Variants in MACF1 observed in about 807,000 individuals in gnomAD.
The protein encoded by MACF1 is microtubule-actin cross-linking factor 1.
In MACF1, 193 loss-of-function variants were observed where a neutral mutation model predicts 854.8. That is an observed-to-expected ratio of 0.23 (90% CI 0.20 to 0.25). The LOEUF is 0.25. Ranked by LOEUF, MACF1 falls within the 10% of genes least tolerant of loss-of-function variation. The probability of loss-of-function intolerance (pLI) is 1.00; values close to 1 mark genes in which losing one functional copy is unlikely to be tolerated. For synonymous variants in MACF1, 3,185 were observed against 3,226.7 expected (o/e 0.99, Z 0.44); for missense variants, 7,722 against 8,929.1 (o/e 0.86, Z 5.45).
chr1:39,291,962 A>G lies in MACF1; in HGVS notation c.1838A>G (p.Gln613Arg), dbSNP rs751383632. 3 of 1,614,048 alleles carry G rather than the reference A, an allele frequency of 1.9e-6. No homozygotes were observed. Among genetic ancestry groups the G allele is most frequent in the Non-Finnish European group, 2.5e-6 (3 of 1,179,960 alleles). The change falls in exon 16 of 101, where the codon CAG (glutamine) becomes CGG (arginine). Residue 613 changes from glutamine to arginine, a missense_variant. Coordinates refer to ENST00000564288, the MANE Select transcript of MACF1 (RefSeq NM_001394062.1). ...AATGACCTGCCTAGTGTGGAGTTGC[A>G]GCTAGAAACACAGCAGCACATCCAT... ...WGNDLPSVEL[Q>R]LETQQHIHTS... is the part of the protein sequence containing the mutation.
intron 58 of MACF1, among the ~76,000 whole-genome samples, chr1:39,393,134 G>A (rs1368222286): frequency 7.0e-6 from 1 of 143,198 alleles, no homozygotes; most frequent in Non-Finnish European, 1.5e-5. Flanking sequence ...TTTTATCACT[G>A]AAACTTGAGC....
intron 80 of MACF1, 59 bp downstream of exon 80, chr1:39,444,894 T>G: frequency 6.9e-7 from 1 of 1,441,054 alleles, no homozygotes. Context: ...GTATAATAAT[T>G]GCCATCTTAT....
At chr1:39,381,917 T>C (rs1191036721) in intron 55 of MACF1, 36 bp from the exon 56 acceptor site, 4 of 1,477,634 alleles carry the variant, frequency 2.7e-6, no homozygotes, top group African/African-American at 2.8e-5. Flanking sequence ...TTGTTGATAA[T>C]GTAAAGGAAT....
At chr1:39,412,017 T>C in intron 58 of MACF1, 1 of 1,614,012 alleles carries the variant, frequency 6.2e-7, no homozygotes, top group Non-Finnish European at 8.5e-7. Flanking sequence ...CTGCAGAATT[T>C]AAGTCCAGAC....
At chr1:39,314,851 CTTTAGCCTAAA>C (rs989568854) in intron 26 of MACF1, among the ~76,000 whole-genome samples, 2 of 152,128 alleles carry the variant, frequency 1.3e-5, no homozygotes, top group African/African-American at 2.4e-5. Flanking sequence ...TTCCTTATGT[CTTTAGCCTAAA>C]GGTATATCTA....
intron 66 of MACF1, among the ~76,000 whole-genome samples, chr1:39,431,895 G>A (rs1045725219): frequency 5.3e-5 from 8 of 152,070 alleles, no homozygotes; most frequent in African/African-American, 1.9e-4. Context: ...AGGATCACTC[G>A]CGCCTAGGAG....
chr1:39,238,372 T>G (rs1042636084), intron 2 of MACF1, among the ~76,000 whole-genome samples: 1 of 152,182 alleles, frequency 6.6e-6, no homozygotes, highest in African/African-American at 2.4e-5. Context: ...AGGAGCCAAA[T>G]ATATGACAGC....
At chr1:39,420,210 A>T (rs186063433) in intron 58 of MACF1, among the ~76,000 whole-genome samples, 1 of 152,176 alleles carries the variant, frequency 6.6e-6, no homozygotes, top group Non-Finnish European at 1.5e-5. Flanking sequence ...TTGTAGAGTG[A>T]GATAGGATTT....
At chr1:39,423,976 T>G in intron 60 of MACF1, 52 bp from the exon 61 acceptor site, 2 of 1,460,234 alleles carry the variant, frequency 1.4e-6, no homozygotes, top group Non-Finnish European at 1.9e-6. Context: ...TTCTTCCTAG[T>G]TCAGATTTCA....
At chr1:39,476,316 A>G (rs1644880860) in intron 97 of MACF1, among the ~76,000 whole-genome samples, 1 of 152,200 alleles carries the variant, frequency 6.6e-6, no homozygotes, top group Admixed American at 6.5e-5. Context: ...CATGCCTGTA[A>G]TCCCAGCACT....
chr1:39,476,355 G>A (rs1461832613), intron 97 of MACF1, among the ~76,000 whole-genome samples: 4 of 152,130 alleles, frequency 2.6e-5, no homozygotes, highest in Non-Finnish European at 5.9e-5. Context: ...CAGATCACGA[G>A]GTCAGGAGAT....
At chr1:39,251,709 T>C (rs762848319) in intron 3 of MACF1, 137 bp from the exon 4 acceptor site, 70 of 441,050 alleles carry the variant, frequency 1.6e-4, no homozygotes, top group Non-Finnish European at 2.5e-4. Context: ...TTTAGTTTTG[T>C]ATCTTTTTCG....
At chr1:39,190,353 C>G (rs1325037615) in intron 2 of MACF1, among the ~76,000 whole-genome samples, 3 of 101,690 alleles carry the variant, frequency 3.0e-5, no homozygotes, top group Non-Finnish European at 6.2e-5. Flanking sequence ...TCTTTTCTTT[C>G]TTTCTTTCTC....
At chr1:39,436,023 A>G (rs1643967294) in intron 70 of MACF1, 4 of 449,788 alleles carry the variant, frequency 8.9e-6, no homozygotes, top group Non-Finnish European at 1.6e-5. Flanking sequence ...TGTTGTGATG[A>G]TCCTTTAGCA....
intron 52 of MACF1, chr1:39,372,821 A>G: frequency 2.3e-6 from 1 of 443,154 alleles, no homozygotes; most frequent in Non-Finnish European, 4.1e-6. Flanking sequence ...TAAATGAACT[A>G]GTTGTCCCAC....
At chr1:39,375,092 A>G (rs905690377) in intron 52 of MACF1, among the ~76,000 whole-genome samples, 6 of 151,934 alleles carry the variant, frequency 3.9e-5, no homozygotes, top group African/African-American at 1.5e-4. Flanking sequence ...CCTGGGTGAC[A>G]GAGCGAGACT....
Position 39,300,228 on chromosome 1 carries a change from A to T in MACF1, c.2500A>T (p.Ile834Leu). 2 of 1,614,008 alleles carry T rather than the reference A, an allele frequency of 1.2e-6. No individual in the cohort carries two copies. Among genetic ancestry groups the T allele is most frequent in the South Asian group, 2.2e-5 (2 of 91,030 alleles). ...QDSMDEKEQL[I>L]QSKSSVASLV... ...TTTGTAGGATGAAAAGGAGCAGCTT[A>T]TACAGTCCAAGAGTTCCGTTGCCAG... Residue 834 changes from isoleucine (I) to leucine (L), a missense_variant, in exon 22 of 101, where the codon ATA (isoleucine) becomes TTA (leucine). Ile to Leu is a conservative substitution (Grantham distance 5). This residue lies in a region of MACF1 where 1,137 missense variants were observed against 1,263.0 expected (regional missense o/e 0.90). Coordinates refer to ENST00000564288, the MANE Select transcript of MACF1 (RefSeq NM_001394062.1).
intron 58 of MACF1, among the ~76,000 whole-genome samples, chr1:39,401,603 TTAA>T: frequency 6.6e-6 from 1 of 152,376 alleles, no homozygotes. Flanking sequence ...ATATGTGTTT[TTAA>T]TGTTTTTAAC....
intron 2 of MACF1, among the ~76,000 whole-genome samples, chr1:39,245,352 C>G (rs748085037): frequency 6.6e-6 from 1 of 152,102 alleles, no homozygotes; most frequent in Non-Finnish European, 1.5e-5. Flanking sequence ...TGCAGTGGTG[C>G]GATCTTGGCT....
Sources: gnomAD v4.1 joint callset for allele counts (sites outside exome capture counted in the v4.1 genomes callset) on GRCh38, gnomAD v4.1.1 for gene constraint, gnomAD v4.1.1 regional missense constraint, MANE v1.5 for transcripts, NCBI Gene and HGNC (gene_info 2026-07-23, HGNC 2026-07-21) for gene names.